The following LAMB1 variants were observed in gnomAD, a reference collection of about 807,000 sequenced individuals.
LAMB1 encodes the protein laminin subunit beta-1.
In LAMB1, 121 loss-of-function variants were observed where a neutral mutation model predicts 222.3. That is an observed-to-expected ratio of 0.54 (90% CI 0.47 to 0.63). LAMB1 has a LOEUF of 0.63. LAMB1 is among the 30% of genes least tolerant of loss of function. LAMB1 has a pLI of 0.00. For missense variants in LAMB1, 2,172 were observed against 2,240.8 expected (o/e 0.97, Z 0.62); for synonymous variants, 794 against 807.2 (o/e 0.98, Z 0.28).
intron 7 of LAMB1, among the ~76,000 whole-genome samples, chr7:107,982,601 C>A (rs2701041): frequency 0.015 from 2,236 of 152,262 alleles, 51 homozygotes; most frequent in African/African-American, 0.051. Flanking sequence ...CGCCTATTGA[C>A]AAGAGGCCAA....
chr7:107,937,048 C>A, intron 26 of LAMB1, 45 bp downstream of exon 26: 2 of 1,498,516 alleles, frequency 1.3e-6, no homozygotes, highest in South Asian at 1.2e-5. Flanking sequence ...TTAGACATAT[C>A]GTTAAATCCA....
intron 7 of LAMB1, among the ~76,000 whole-genome samples, chr7:107,984,274 A>G (rs1018106673): frequency 1.3e-5 from 2 of 150,900 alleles, no homozygotes; most frequent in African/African-American, 2.4e-5. Context: ...TTTGAGACAG[A>G]GTCTTGCTCT....
At chr7:107,934,635 A>T (rs2032795180) in intron 27 of LAMB1, among the ~76,000 whole-genome samples, 1 of 152,164 alleles carries the variant, frequency 6.6e-6, no homozygotes, top group South Asian at 2.1e-4. Context: ...AAGTTACTGG[A>T]ACAAAGGAAC....
chr7:107,995,354 G>T (rs2034263308), intron 4 of LAMB1, among the ~76,000 whole-genome samples: 1 of 152,208 alleles, frequency 6.6e-6, no homozygotes, highest in Non-Finnish European at 1.5e-5. Context: ...ACAGTAGGGG[G>T]TCAGCTTGCA....
At chr7:107,996,349 T>C (rs376928272) in intron 4 of LAMB1, among the ~76,000 whole-genome samples, 7 of 152,302 alleles carry the variant, frequency 4.6e-5, no homozygotes, top group Admixed American at 1.3e-4. Context: ...GTCATTCTTC[T>C]ATAGTGTATT....
intron 32 of LAMB1, among the ~76,000 whole-genome samples, chr7:107,924,827 GA>G (rs2032522521): frequency 6.6e-6 from 1 of 152,250 alleles, no homozygotes; most frequent in Admixed American, 6.5e-5. Flanking sequence ...TTAAACAAAA[GA>G]TACAGGAAGG....
intron 27 of LAMB1, 56 bp from the exon 28 acceptor site, chr7:107,932,433 A>G: frequency 6.4e-7 from 1 of 1,574,780 alleles, no homozygotes; most frequent in Non-Finnish European, 8.7e-7. Context: ...TGCTGCAGCA[A>G]AACAGCTGTG....
rs767715052 is a variant in LAMB1 at position 107,952,002 on chromosome 7, C to A, written c.3294+7G>T. The A allele has an allele frequency of 4.4e-6, 7 of 1,603,954 alleles. No homozygotes were observed. Among genetic ancestry groups the A allele is most frequent in the Non-Finnish European group, 6.0e-6 (7 of 1,173,210 alleles). On this transcript the variant is annotated splice_region_variant and intron_variant, in intron 23 of 33. Transcript: ENST00000222399. ...TAAAGGCATCATCCCCAGCAGCAGC[C>A]CCTCACCTCATTGCAAGATGGCCCG...
At chr7:107,972,313 T>A (rs1199237500) in intron 13 of LAMB1, among the ~76,000 whole-genome samples, 1 of 152,184 alleles carries the variant, frequency 6.6e-6, no homozygotes. Flanking sequence ...GTGTTCTCTC[T>A]GGGAAGACTC....
At chr7:107,951,384 T>C (rs373661658) in intron 23 of LAMB1, 62 bp from the exon 24 acceptor site, 16 of 1,478,424 alleles carry the variant, frequency 1.1e-5, no homozygotes, top group Non-Finnish European at 1.5e-5. Context: ...TTGTCATCTT[T>C]TTTTTCTAGC....
chr7:107,928,218 T>C (rs2283046), intron 31 of LAMB1, among the ~76,000 whole-genome samples: 100,283 of 152,020 alleles, frequency 0.66, 33,874 homozygotes, highest in East Asian at 0.85. Flanking sequence ...ACAGTATATT[T>C]CTTATAAAAA....
At position 107,935,861 on chromosome 7, in the gene LAMB1, A is replaced by G. The variant is rs150027233; in HGVS notation, c.3947-205T>C. Among the ~76,000 whole-genome samples, 384 of 152,354 alleles carry G rather than the reference A, an allele frequency of 2.5e-3. 2 individuals are homozygous for G. The highest frequency in any genetic ancestry group is 8.7e-3 in the African/African-American group (363 of 41,582). The stretch of plus-strand genomic sequence containing the variant: ...CTACTCCAGCTCGAGTATGGCAAAC[A>G]TCTGGGTGAAAAATGAAAAATTAAG... On this transcript the variant is annotated intron_variant, in intron 26 of 33. Coordinates refer to ENST00000222399, the MANE Select transcript of LAMB1 (RefSeq NM_002291.3).
At position 107,960,396 on chromosome 7, in the gene LAMB1, T is replaced by C. The variant is rs187976089; in HGVS notation, c.2314+49A>G. ...TCCACTGTACTTCATGTGCCAGATA[T>C]ACTCAGAGCCAGAAACAGCAGCTGC... On this transcript the variant is annotated intron_variant, in intron 18 of 33. Transcript: ENST00000222399. 2.7e-4 allele frequency: 396 copies of C among 1,444,362 alleles called. 3 individuals are homozygous for C. In the African/African-American group the frequency reaches 4.8e-3, roughly 17 times the overall value. 89.5% of individuals were successfully genotyped at this position (1,444,362 alleles called of 1,614,324 possible).
In LAMB1 at chr7:107,961,226, G is replaced by A. The variant is rs1226869574; in HGVS notation, c.2089C>T (p.Pro697Ser). ...YTSSDSDVES[P>S]YTLIDSLVLM... ...CTTACAGAATCGATCAGCGTGTAGGGGCTCTCCACGTCGCTATCAGAGGAG... is the reference window on the plus strand; with the variant it reads ...CTTACAGAATCGATCAGCGTGTAGGAGCTCTCCACGTCGCTATCAGAGGAG... Residue 697 changes from proline to serine, a missense_variant, in exon 17 of 34, where the codon CCC (proline) becomes TCC (serine). Transcript: ENST00000222399. The A allele has an allele frequency of 1.2e-6, 2 of 1,614,012 alleles. No homozygotes were observed. Among genetic ancestry groups the A allele is most frequent in the African/African-American group, 2.7e-5 (2 of 74,974 alleles).
At chr7:107,966,477 G>A (rs975489741) in intron 13 of LAMB1, among the ~76,000 whole-genome samples, 7 of 152,064 alleles carry the variant, frequency 4.6e-5, no homozygotes, top group Admixed American at 3.9e-4. Context: ...CCAAAGTGCT[G>A]GGATTACAGG....
rs2034388566 is a variant in LAMB1, at chr7:108,001,724, C to T, written c.47G>A (p.Arg16Lys). 1 of 1,612,544 alleles carries T rather than the reference C, an allele frequency of 6.2e-7. No individual in the cohort carries two copies. The highest frequency in any genetic ancestry group is 1.3e-5 in the African/African-American group (1 of 74,950). The change falls in exon 3 of 34, where the codon AGA becomes AAA. Residue 16 changes from arginine to lysine, a missense_variant. Physicochemically the swap from Arg to Lys is conservative, Grantham distance 26. Transcript: ENST00000222399. ...GGGTTCCTGAGCGCGCACTCGGGCT[C>T]TGCACAGGGCTGCGGGAAGGACAGG... ...LLAFSFLALC[R>K]ARVRAQEPEF... is the part of the protein sequence containing the mutation.
intron 15 of LAMB1, among the ~76,000 whole-genome samples, chr7:107,962,535 G>A (rs934051240): frequency 3.2e-4 from 49 of 152,162 alleles, no homozygotes; most frequent in African/African-American, 1.1e-3. Context: ...CCAACATGGC[G>A]AAACCCCGTC....
chr7:107,943,827 ATCTGTGTG>A (rs1192144061), intron 24 of LAMB1, among the ~76,000 whole-genome samples: 1 of 152,144 alleles, frequency 6.6e-6, no homozygotes, highest in Non-Finnish European at 1.5e-5. Flanking sequence ...GTGTGTGTGT[ATCTGTGTG>A]TCTGTGTGAG....
chr7:107,959,688 T>C lies in LAMB1; in HGVS notation c.2458+3A>G. On this transcript the variant is annotated splice_donor_region_variant and intron_variant, in intron 19 of 33. Coordinates refer to ENST00000222399, the MANE Select transcript of LAMB1 (RefSeq NM_002291.3). ...TGCATAACAATGCTTTTGAGGAACC[T>C]ACGTTTGCATCCACTGGGGCCAAAG... 1 of 1,614,198 alleles carries C rather than the reference T, an allele frequency of 6.2e-7. No individual in the cohort carries two copies. Among genetic ancestry groups the C allele is most frequent in the Non-Finnish European group, 8.5e-7 (1 of 1,180,032 alleles).
Sources: allele counts gnomAD v4.1 joint callset (sites outside exome capture counted in the v4.1 genomes callset), GRCh38; gene constraint gnomAD v4.1.1; transcripts MANE v1.5; gene names NCBI Gene and HGNC (gene_info 2026-07-23, HGNC 2026-07-21).